ITGA1: variants seen among roughly 807,000 people sequenced by gnomAD.
ITGA1 encodes the protein integrin alpha-1.
In ITGA1, 85 loss-of-function variants were observed where a neutral mutation model predicts 145.9. The ratio of observed to expected loss-of-function variants is 0.58; its 90% confidence interval spans 0.49 to 0.70. The LOEUF (loss-of-function observed/expected upper bound fraction) is 0.70, where lower values mean the gene tolerates loss of function less well. Among genes scored for constraint, ITGA1 ranks in the 30% least tolerant of loss-of-function variants. The pLI is 0.00. For missense variants in ITGA1, 1,351 were observed against 1,418.7 expected (o/e 0.95, Z 0.77); for synonymous variants, 520 against 495.3 (o/e 1.05, Z -0.66).
chr5:52,919,782 A>G (rs1442487784), intron 16 of ITGA1, among the ~76,000 whole-genome samples: 2 of 152,192 alleles, frequency 1.3e-5, no homozygotes, highest in African/African-American at 4.8e-5. Context: ...TAGCCTTCAT[A>G]TACAGTGTAA....
intron 1 of ITGA1, among the ~76,000 whole-genome samples, chr5:52,830,269 T>C (rs1749038214): frequency 6.6e-6 from 1 of 152,168 alleles, no homozygotes; most frequent in Non-Finnish European, 1.5e-5. Flanking sequence ...TCTTTTTTTC[T>C]CTCAGTTTTT....
Position 52,956,008 on chromosome 5 carries a change from CT to C in ITGA1, c.*3561del, listed in dbSNP as rs1484298410. ...TTACATATATAGATATTCTCTTTTCCTTTTATAAAATCAAAGTCTAGGCTCA... is the reference window on the plus strand; with the variant it reads ...TTACATATATAGATATTCTCTTTTCCTTTATAAAATCAAAGTCTAGGCTCA... On this transcript the variant is annotated 3_prime_UTR_variant, in exon 29 of 29. Transcript: ENST00000282588. 6.6e-6 allele frequency: 1 copy of C among 151,566 alleles called. No individual in the cohort carries two copies. Among genetic ancestry groups the C allele is most frequent in the Non-Finnish European group, 1.5e-5 (1 of 67,966 alleles). 9.4% of individuals were successfully genotyped at this position (151,566 alleles called of 1,614,324 possible).
At position 52,958,273 on chromosome 5, in the gene ITGA1, T is replaced by C. The variant is rs1751332017; in HGVS notation, c.*5822T>C. On this transcript the variant is annotated 3_prime_UTR_variant, in exon 29 of 29. Coordinates refer to ENST00000282588, the MANE Select transcript of ITGA1 (RefSeq NM_181501.2). Reference sequence around the variant, plus strand: ...GGGAGTGGAAGATGATGAAACTATTTCTCTTTTATGTCTACATCCTTACTC... The same window carrying C: ...GGGAGTGGAAGATGATGAAACTATTCCTCTTTTATGTCTACATCCTTACTC... The C allele has an allele frequency of 6.6e-6, 1 of 152,114 alleles. No individual in the cohort carries two copies. Among genetic ancestry groups the C allele is most frequent in the African/African-American group, 2.4e-5 (1 of 41,382 alleles). 9.4% of individuals were successfully genotyped at this position (152,114 alleles called of 1,614,324 possible).
At chr5:52,889,288 G>A (rs1233831963) in intron 8 of ITGA1, among the ~76,000 whole-genome samples, 3 of 152,188 alleles carry the variant, frequency 2.0e-5, no homozygotes, top group East Asian at 3.9e-4. Flanking sequence ...TTTTAGTAGA[G>A]ATGGGGTTTC....
intron 6 of ITGA1, among the ~76,000 whole-genome samples, chr5:52,878,165 A>G (rs2111798442): frequency 6.6e-6 from 1 of 151,916 alleles, no homozygotes; most frequent in South Asian, 2.1e-4. Context: ...ACTCCCAGAC[A>G]CTCCTGGTTT....
At chr5:52,943,222 C>T (rs1011549436) in intron 26 of ITGA1, among the ~76,000 whole-genome samples, 4 of 152,046 alleles carry the variant, frequency 2.6e-5, no homozygotes, top group African/African-American at 7.2e-5. Context: ...ACAGATGACT[C>T]TTATTATTTG....
chr5:52,923,733 G>A (rs1750764071), intron 18 of ITGA1, among the ~76,000 whole-genome samples: 1 of 152,026 alleles, frequency 6.6e-6, no homozygotes, highest in South Asian at 2.1e-4. Flanking sequence ...TTTGAATTTA[G>A]GACCAATGGA....
intron 11 of ITGA1, among the ~76,000 whole-genome samples, chr5:52,900,792 A>G (rs1750301211): frequency 6.6e-6 from 1 of 152,172 alleles, no homozygotes; most frequent in African/African-American, 2.4e-5. Flanking sequence ...TAATTACACC[A>G]TATATATCAT....
intron 10 of ITGA1, among the ~76,000 whole-genome samples, chr5:52,898,025 T>TA (rs1192720913): frequency 2.0e-5 from 3 of 152,184 alleles, no homozygotes; most frequent in Admixed American, 1.3e-4. Flanking sequence ...TTTTACTGTA[T>TA]AACTTGGGTA....
Position 52,788,327 on chromosome 5 carries a change from C to A in ITGA1, c.-27C>A. On this transcript the variant is annotated 5_prime_UTR_variant, in exon 1 of 29. Transcript: ENST00000282588. ...GGTCCTGCCCTGCGAACCAGCGCGG[C>A]CCCCTGGCGCTGAGGCTGCTCCGGC... 1.3e-6 allele frequency: 2 copies of A among 1,486,034 alleles called. No homozygotes were observed. The highest frequency in any genetic ancestry group is 1.3e-5 in the South Asian group (1 of 79,242). 92.1% of individuals were successfully genotyped at this position (1,486,034 alleles called of 1,614,324 possible).
chr5:52,883,102 A>C lies in ITGA1; in HGVS notation c.773+1081A>C, dbSNP rs1257696597. On this transcript the variant is annotated intron_variant, in intron 7 of 28. Coordinates refer to ENST00000282588, the MANE Select transcript of ITGA1 (RefSeq NM_181501.2). Reference sequence around the variant, plus strand: ...CACAAACAGATGGAGGTAATTGGACATTTACCTACCTATTGGATCACCTAT... The same window carrying C: ...CACAAACAGATGGAGGTAATTGGACCTTTACCTACCTATTGGATCACCTAT... 9.8e-5 allele frequency among the ~76,000 whole-genome samples: 15 copies of C among 152,330 alleles called. No individual in the cohort carries two copies. In the East Asian group the frequency reaches 2.5e-3, roughly 25 times the overall value.
chr5:52,828,028 A>T (rs922219352), intron 1 of ITGA1, among the ~76,000 whole-genome samples: 1 of 152,114 alleles, frequency 6.6e-6, no homozygotes, highest in Non-Finnish European at 1.5e-5. Flanking sequence ...GATATACCAC[A>T]TTTCATGTAT....
chr5:52,876,559 C>T (rs555122826), intron 6 of ITGA1, among the ~76,000 whole-genome samples: 1 of 152,192 alleles, frequency 6.6e-6, no homozygotes, highest in African/African-American at 2.4e-5. Flanking sequence ...TTGTATCTCT[C>T]TTTTTCTGCT....
At chr5:52,890,782 G>A (rs1222618791) in intron 8 of ITGA1, among the ~76,000 whole-genome samples, 1 of 152,132 alleles carries the variant, frequency 6.6e-6, no homozygotes. Context: ...TATGTTTACT[G>A]TAGTTGTCCT....
At chr5:52,832,611 A>C (rs1283463745) in intron 1 of ITGA1, among the ~76,000 whole-genome samples, 1 of 152,184 alleles carries the variant, frequency 6.6e-6, no homozygotes, top group East Asian at 1.9e-4. Context: ...GGTCAAATAC[A>C]TCTCTCTTGC....
At chr5:52,853,729 C>T (rs777226367) in intron 2 of ITGA1, among the ~76,000 whole-genome samples, 6 of 152,178 alleles carry the variant, frequency 3.9e-5, no homozygotes, top group Admixed American at 6.6e-5. Context: ...AGTAGCAGAA[C>T]ACATCATACA....
chr5:52,877,743 A>T (rs1023448923), intron 6 of ITGA1, among the ~76,000 whole-genome samples: 1 of 152,202 alleles, frequency 6.6e-6, no homozygotes, highest in African/African-American at 2.4e-5. Context: ...CAGCTTCAAA[A>T]TAAAGCTGTT....
At chr5:52,922,061 G>A (rs1750736125) in intron 17 of ITGA1, among the ~76,000 whole-genome samples, 1 of 152,162 alleles carries the variant, frequency 6.6e-6, no homozygotes, top group Non-Finnish European at 1.5e-5. Flanking sequence ...AGCACTTTGG[G>A]AGGCTGAGGT....
intron 1 of ITGA1, among the ~76,000 whole-genome samples, chr5:52,808,929 C>T (rs10512997): frequency 0.27 from 40,116 of 151,358 alleles, 5,578 homozygotes; most frequent in Non-Finnish European, 0.3. Context: ...ATGTCACCTA[C>T]TTTTTGTCAC....
Sources: allele counts gnomAD v4.1 joint callset (sites outside exome capture counted in the v4.1 genomes callset), GRCh38; gene constraint gnomAD v4.1.1; transcripts MANE v1.5; gene names NCBI Gene and HGNC (gene_info 2026-07-23, HGNC 2026-07-21).